The following ASIP variants were observed in gnomAD, a reference collection of about 807,000 sequenced individuals.
The protein encoded by ASIP is agouti signaling protein.
Under a neutral mutation model 10.3 loss-of-function variants are expected in ASIP, and 11 were observed. The ratio of observed to expected loss-of-function variants is 1.07; its 90% CI spans 0.68 to 1.78. ASIP has a LOEUF of 1.78. ASIP is among the 40% of genes most tolerant of loss of function. ASIP has a pLI of 0.00. For missense variants in ASIP, 180 were observed against 169.2 expected (o/e 1.06, Z -0.35); for synonymous variants, 70 against 70.8 (o/e 0.99, Z 0.06).
At chr20:34,191,982 C>T (rs373575677), upstream of ASIP, among the ~76,000 whole-genome samples, 1 of 152,128 alleles carries the variant, frequency 6.6e-6, no homozygotes, top group Non-Finnish European at 1.5e-5. Context: ...CCACCTGCCT[C>T]GGCCTCCCAG....
In ASIP at chr20:34,265,340, T is replaced by C. The variant is rs140349934; in HGVS notation, c.222+2447T>C. Among the ~76,000 whole-genome samples the C allele has an allele frequency of 8.6e-3, 1,309 of 151,946 alleles. 22 individuals carry two copies. Among genetic ancestry groups the C allele is most frequent in the African/African-American group, 0.03 (1,244 of 41,430 alleles). Reference sequence around the variant, plus strand: ...GAATTCAAGACCAGCCTGAGCAACATGATGAAACCTCATCTCTACAAAAAA... The same window carrying C: ...GAATTCAAGACCAGCCTGAGCAACACGATGAAACCTCATCTCTACAAAAAA... On this transcript the variant is annotated intron_variant, in intron 3 of 3. Transcript: ENST00000374954.
chr20:34,243,875 T>C (rs193005318), intron 1 of ASIP, among the ~76,000 whole-genome samples: 1 of 151,818 alleles, frequency 6.6e-6, no homozygotes, highest in Non-Finnish European at 1.5e-5. Flanking sequence ...CCATCCTGGC[T>C]AACACGATGA....
At chr20:34,234,619 T>G (rs2035153930) in intron 1 of ASIP, among the ~76,000 whole-genome samples, 1 of 152,012 alleles carries the variant, frequency 6.6e-6, no homozygotes, top group African/African-American at 2.4e-5. Context: ...CTGACCAACA[T>G]GGCGAAACCC....
At chr20:34,242,771 T>TAAAG (rs2035304071) in intron 1 of ASIP, among the ~76,000 whole-genome samples, 1 of 152,258 alleles carries the variant, frequency 6.6e-6, no homozygotes, top group Non-Finnish European at 1.5e-5. Flanking sequence ...TCAAAGCCTC[T>TAAAG]TCCCTCCTTC....
intron 1 of ASIP, among the ~76,000 whole-genome samples, chr20:34,216,682 C>T (rs1212816697): frequency 1.3e-5 from 2 of 152,098 alleles, no homozygotes; most frequent in Non-Finnish European, 2.9e-5. Flanking sequence ...ACAGGCATTC[C>T]TTTGCCTCAC....
intron 1 of ASIP, among the ~76,000 whole-genome samples, chr20:34,255,608 G>A (rs951979244): frequency 6.6e-6 from 1 of 152,158 alleles, no homozygotes; most frequent in Non-Finnish European, 1.5e-5. Flanking sequence ...TTAGTTTGTA[G>A]CATTACTCTT....
intron 1 of ASIP, among the ~76,000 whole-genome samples, chr20:34,255,099 G>A (rs184031497): frequency 6.6e-6 from 1 of 152,254 alleles, no homozygotes; most frequent in East Asian, 1.9e-4. Flanking sequence ...TGCTCTGATG[G>A]TGAACTGAGC....
intron 3 of ASIP, among the ~76,000 whole-genome samples, chr20:34,267,459 C>CAAA (rs953440256): frequency 0.12 from 5,473 of 46,132 alleles, 1,300 homozygotes; most frequent in African/African-American, 0.37. Flanking sequence ...AACTGGCTCT[C>CAAA]AAAAAAAAAA....
chr20:34,195,419 A>G (rs1255122255), intron 1 of ASIP, among the ~76,000 whole-genome samples: 1 of 152,192 alleles, frequency 6.6e-6, no homozygotes, highest in Non-Finnish European at 1.5e-5. Context: ...ATCCACGATG[A>G]AGGTAAGGAG....
intron 1 of ASIP, among the ~76,000 whole-genome samples, chr20:34,205,923 C>A (rs1421567755): frequency 6.6e-6 from 1 of 152,050 alleles, no homozygotes; most frequent in Non-Finnish European, 1.5e-5. Flanking sequence ...CTCCAAGTCC[C>A]CACCCAACCC....
At chr20:34,251,575 T>A (rs998098462) in intron 1 of ASIP, among the ~76,000 whole-genome samples, 4 of 152,114 alleles carry the variant, frequency 2.6e-5, no homozygotes, top group Non-Finnish European at 4.4e-5. Context: ...CGCCTGACCT[T>A]CTCTGTGTAA....
At chr20:34,255,967 A>AC (rs892870963) in intron 1 of ASIP, among the ~76,000 whole-genome samples, 3 of 152,106 alleles carry the variant, frequency 2.0e-5, no homozygotes, top group African/African-American at 7.2e-5. Flanking sequence ...AGTCAGGCCC[A>AC]CCCGCAGCCT....
chr20:34,221,546 G>A (rs2035047999), intron 1 of ASIP, among the ~76,000 whole-genome samples: 1 of 152,122 alleles, frequency 6.6e-6, no homozygotes, highest in Non-Finnish European at 1.5e-5. Context: ...GGCAATAAAT[G>A]GAAAGCATAT....
At chr20:34,225,917 G>A (rs1469994654) in intron 1 of ASIP, among the ~76,000 whole-genome samples, 7 of 150,584 alleles carry the variant, frequency 4.6e-5, no homozygotes, top group Non-Finnish European at 1.0e-4. Context: ...TTTTTGAAAC[G>A]GAGTCTTGCT....
chr20:34,267,366 G>A (rs1200418339), intron 3 of ASIP, among the ~76,000 whole-genome samples: 1 of 147,890 alleles, frequency 6.8e-6, no homozygotes, highest in Non-Finnish European at 1.5e-5. Context: ...TAGAGCAGCA[G>A]CGTCCAATAG....
intron 1 of ASIP, among the ~76,000 whole-genome samples, chr20:34,258,698 A>ATATATATATATATATATATACAC (rs1568768756): frequency 1.6e-5 from 1 of 62,050 alleles, no homozygotes; most frequent in African/African-American, 8.8e-5. Context: ...TATACATACT[A>ATATATATATATATATATATACAC]TATATATATA....
chr20:34,219,787 A>G (rs1412645469), intron 1 of ASIP, among the ~76,000 whole-genome samples: 1 of 152,232 alleles, frequency 6.6e-6, no homozygotes, highest in Non-Finnish European at 1.5e-5. Context: ...CAGAATATAA[A>G]GATAAAAAAT....
At chr20:34,197,150 G>A (rs957082684) in intron 1 of ASIP, among the ~76,000 whole-genome samples, 15 of 152,086 alleles carry the variant, frequency 9.9e-5, no homozygotes, top group African/African-American at 3.1e-4. Flanking sequence ...TGAGGCAGGT[G>A]GATCACGAGG....
chr20:34,260,622 C>A (rs1168520412), intron 2 of ASIP, 88 bp downstream of exon 2: 2 of 1,372,220 alleles, frequency 1.5e-6, no homozygotes, highest in Admixed American at 4.3e-5. Flanking sequence ...GGATCCACCG[C>A]CATGGTCACG....
Sources: allele counts gnomAD v4.1 joint callset (sites outside exome capture counted in the v4.1 genomes callset), GRCh38; gene constraint gnomAD v4.1.1; transcripts MANE v1.5; gene names NCBI Gene and HGNC (gene_info 2026-07-23, HGNC 2026-07-21).